The following SNX30 variants were observed in gnomAD, a reference collection of about 807,000 sequenced individuals.
The protein encoded by SNX30 is sorting nexin-30.
In SNX30, 24 loss-of-function variants were observed where a neutral mutation model predicts 46.4. The ratio of observed to expected loss-of-function variants is 0.52; its 90% CI spans 0.37 to 0.73. SNX30 has a LOEUF of 0.73. Among genes scored for constraint, SNX30 ranks in the 30% least tolerant of loss-of-function variants. The pLI is 0.00. For missense variants in SNX30, 533 were observed against 555.7 expected (o/e 0.96, Z 0.41); for synonymous variants, 189 against 211.5 (o/e 0.89, Z 0.92).
intron 1 of SNX30, among the ~76,000 whole-genome samples, chr9:112,784,555 T>A (rs962708995): frequency 6.6e-6 from 1 of 152,126 alleles, no homozygotes; most frequent in Non-Finnish European, 1.5e-5. Flanking sequence ...CCCTTGGCGA[T>A]TTTGCTGATG....
chr9:112,816,097 T>A (rs1192041736), intron 2 of SNX30, among the ~76,000 whole-genome samples: 1 of 152,028 alleles, frequency 6.6e-6, no homozygotes, highest in African/African-American at 2.4e-5. Context: ...CCTTCCTTCT[T>A]GGCCTCTTAA....
chr9:112,797,551 A>G (rs1253771622), intron 1 of SNX30, among the ~76,000 whole-genome samples: 2 of 152,096 alleles, frequency 1.3e-5, no homozygotes, highest in African/African-American at 2.4e-5. Flanking sequence ...TCATACTTCC[A>G]TTATCATACC....
At chr9:112,867,013 C>A (rs1588144309) in intron 8 of SNX30, among the ~76,000 whole-genome samples, 205 of 144,310 alleles carry the variant, frequency 1.4e-3, no homozygotes, top group Non-Finnish European at 1.9e-3. Flanking sequence ...AACTCCTCCC[C>A]CCTCCTCAGA....
chr9:112,845,865 A>G (rs1227295322), intron 6 of SNX30, among the ~76,000 whole-genome samples: 2 of 152,204 alleles, frequency 1.3e-5, no homozygotes, highest in African/African-American at 4.8e-5. Context: ...GGGTCACCAG[A>G]TATGTAAGGG....
intron 1 of SNX30, among the ~76,000 whole-genome samples, chr9:112,793,691 C>T (rs534064172): frequency 3.3e-5 from 5 of 152,202 alleles, no homozygotes; most frequent in African/African-American, 1.2e-4. Flanking sequence ...CAGGTAGAAC[C>T]AGTAGACAGC....
At chr9:112,797,867 A>G (rs1588120125) in intron 1 of SNX30, among the ~76,000 whole-genome samples, 1 of 112,890 alleles carries the variant, frequency 8.9e-6, no homozygotes, top group Non-Finnish European at 1.7e-5. Context: ...CCCAGCTAAT[A>G]TTGGTATTTT....
chr9:112,756,935 A>G (rs906921257), intron 1 of SNX30, among the ~76,000 whole-genome samples: 2 of 152,256 alleles, frequency 1.3e-5, no homozygotes, highest in Non-Finnish European at 2.9e-5. Context: ...AAAGTTTACT[A>G]TAGTGGAGCA....
downstream of SNX30, among the ~76,000 whole-genome samples, chr9:112,883,823 G>A (rs1841612997): frequency 6.6e-6 from 1 of 151,230 alleles, no homozygotes; most frequent in Non-Finnish European, 1.5e-5. Flanking sequence ...TCAGCCTCCC[G>A]AATAACTGGG....
intron 1 of SNX30, among the ~76,000 whole-genome samples, chr9:112,798,122 T>C (rs10981508): frequency 0.12 from 346 of 2,954 alleles, 1 homozygote; most frequent in Middle Eastern, 0.5. Context: ...TTTTTTTTTC[T>C]TTTTTTTTTT....
chr9:112,777,455 C>T (rs2131371626), intron 1 of SNX30, among the ~76,000 whole-genome samples: 1 of 152,014 alleles, frequency 6.6e-6, no homozygotes, highest in South Asian at 2.1e-4. Flanking sequence ...GAGACAGAGT[C>T]TTGCTCTGTT....
At chr9:112,805,225 T>A (rs114340704) in intron 2 of SNX30, among the ~76,000 whole-genome samples, 1 of 94,700 alleles carries the variant, frequency 1.1e-5, no homozygotes, top group African/African-American at 3.2e-5. Context: ...TGCGCTTATT[T>A]TTTTTTTTAC....
intron 2 of SNX30, among the ~76,000 whole-genome samples, chr9:112,808,741 C>G (rs1233215352): frequency 6.6e-6 from 1 of 152,164 alleles, no homozygotes; most frequent in Non-Finnish European, 1.5e-5. Flanking sequence ...ATTTTGTATA[C>G]TGCCAATTCA....
intron 4 of SNX30, 132 bp from the exon 5 acceptor site, chr9:112,836,082 G>A: frequency 3.6e-6 from 3 of 834,616 alleles, no homozygotes; most frequent in Non-Finnish European, 5.6e-6. Flanking sequence ...AATGTGATTA[G>A]AGCCTCTAAC....
intron 7 of SNX30, among the ~76,000 whole-genome samples, chr9:112,861,023 G>A (rs12686253): frequency 0.032 from 4,797 of 152,236 alleles, 105 homozygotes; most frequent in East Asian, 0.087. Context: ...AGAAAAAGTA[G>A]GAAAATACAT....
At chr9:112,807,534 T>C (rs1430983548) in intron 2 of SNX30, among the ~76,000 whole-genome samples, 1 of 152,232 alleles carries the variant, frequency 6.6e-6, no homozygotes, top group East Asian at 1.9e-4. Flanking sequence ...TATACATATT[T>C]CCAGGAATTA....
intron 1 of SNX30, among the ~76,000 whole-genome samples, chr9:112,787,688 CATGCAAATGTTGGTGCAT>C (rs1241080011): frequency 1.3e-5 from 2 of 151,848 alleles, no homozygotes; most frequent in Non-Finnish European, 2.9e-5. Context: ...TGCATGTGCA[CATGCAAATGTTGGTGCAT>C]AATTTTTGGC....
At chr9:112,847,446 CTT>C (rs34501288) in intron 6 of SNX30, among the ~76,000 whole-genome samples, 10,646 of 146,260 alleles carry the variant, frequency 0.073, 744 homozygotes, top group African/African-American at 0.18. Context: ...TACAAGCATT[CTT>C]TTTTTTTTTT....
chr9:112,834,008 A>G (rs1349465665), intron 4 of SNX30, among the ~76,000 whole-genome samples: 1 of 152,174 alleles, frequency 6.6e-6, no homozygotes, highest in Admixed American at 6.5e-5. Flanking sequence ...GAAGATACAG[A>G]CAGGAGAGGG....
intron 1 of SNX30, among the ~76,000 whole-genome samples, chr9:112,783,502 T>C (rs1458883206): frequency 6.6e-6 from 1 of 152,250 alleles, no homozygotes; most frequent in Non-Finnish European, 1.5e-5. Flanking sequence ...ATGTATAGAC[T>C]GCTGTGAAAG....
Sources: gnomAD v4.1 joint callset for allele counts (sites outside exome capture counted in the v4.1 genomes callset) on GRCh38, gnomAD v4.1.1 for gene constraint, MANE v1.5 for transcripts, NCBI Gene and HGNC (gene_info 2026-07-23, HGNC 2026-07-21) for gene names.